ELF2: variants seen among roughly 807,000 people sequenced by gnomAD.
ELF2 encodes E74 like ETS transcription factor 2, also known as ETS-related transcription factor Elf-2.
Under a neutral mutation model 54.8 loss-of-function variants are expected in ELF2, and 11 were observed. That is an observed-to-expected ratio of 0.20 (90% CI 0.13 to 0.33). ELF2 has a LOEUF of 0.33. ELF2 is among the 10% of genes least tolerant of loss of function. The pLI is 1.00. For missense variants in ELF2, 513 were observed against 703.0 expected (o/e 0.73, Z 3.06); for synonymous variants, 203 against 245.1 (o/e 0.83, Z 1.61).
chr4:139,106,740 C>CTTTTTTTTTTTTTTTTTTTTTTTTTTTT, intron 4 of ELF2, among the ~76,000 whole-genome samples: 1 of 93,758 alleles, frequency 1.1e-5, no homozygotes, highest in African/African-American at 4.2e-5. Context: ...AACTATATTT[C>CTTTTTTTTTTTTTTTTTTTTTTTTTTTT]TTTTTTTTTT....
At chr4:139,165,015 A>C (rs1741581815) in intron 1 of ELF2, among the ~76,000 whole-genome samples, 1 of 152,238 alleles carries the variant, frequency 6.6e-6, no homozygotes, top group African/African-American at 2.4e-5. Flanking sequence ...AGATTATCTA[A>C]ATGGGTTTCC....
At chr4:139,083,825 A>G (rs1457636596) in intron 4 of ELF2, among the ~76,000 whole-genome samples, 1 of 152,102 alleles carries the variant, frequency 6.6e-6, no homozygotes, top group Non-Finnish European at 1.5e-5. Context: ...CGAGTGCCCA[A>G]CTTAACCGCG....
chr4:139,161,516 T>C (rs1282712800), intron 1 of ELF2, among the ~76,000 whole-genome samples: 1 of 152,066 alleles, frequency 6.6e-6, no homozygotes, highest in Non-Finnish European at 1.5e-5. Flanking sequence ...TCTCCATACA[T>C]TTAACTTTAA....
At chr4:139,084,250 AG>A in intron 4 of ELF2, 2 of 1,608,724 alleles carry the variant, frequency 1.2e-6, no homozygotes. Context: ...CAGCGGCGGC[AG>A]GGGAGGAGGC....
intron 1 of ELF2, among the ~76,000 whole-genome samples, chr4:139,167,654 C>T (rs1741857264): frequency 6.6e-6 from 1 of 152,128 alleles, no homozygotes; most frequent in Admixed American, 6.5e-5. Flanking sequence ...CTAGGTTCCT[C>T]CAATCCAACT....
chr4:139,080,290 T>C (rs1407469472), intron 4 of ELF2, among the ~76,000 whole-genome samples: 1 of 152,230 alleles, frequency 6.6e-6, no homozygotes, highest in Non-Finnish European at 1.5e-5. Flanking sequence ...CATTTTCAAA[T>C]GAGCTTTTTA....
chr4:139,176,226 C>G lies in ELF2; in HGVS notation c.-252+741G>C, dbSNP rs58352636. ...CTTAAGAAACAGATTCCGATCCGAG[C>G]AAAGCCTCCCTACCTCCCGGGGAAT... On this transcript the variant is annotated intron_variant, in intron 1 of 9. Coordinates refer to ENST00000686138, the MANE Select transcript of ELF2 (RefSeq NM_001331036.3). Among the ~76,000 whole-genome samples, 221 of 152,332 alleles carry G rather than the reference C, an allele frequency of 1.5e-3. 1 individual carries two copies. Among genetic ancestry groups the G allele is most frequent in the African/African-American group, 5.0e-3 (208 of 41,578 alleles).
At chr4:139,126,932 AAG>A (rs1234371073) in intron 3 of ELF2, among the ~76,000 whole-genome samples, 1 of 152,246 alleles carries the variant, frequency 6.6e-6, no homozygotes, top group African/African-American at 2.4e-5. Context: ...GAAGACTGTG[AAG>A]AGAGATTCCA....
intron 5 of ELF2, 81 bp downstream of exon 5, chr4:139,073,373 G>C (rs1458974073): frequency 8.2e-6 from 7 of 852,640 alleles, no homozygotes; most frequent in African/African-American, 3.5e-5. Context: ...CAATTCCATT[G>C]GATTAAAAAA....
At chr4:139,073,392 C>T (rs1729802218) in intron 5 of ELF2, 62 bp downstream of exon 5, 3 of 1,231,754 alleles carry the variant, frequency 2.4e-6, no homozygotes, top group Non-Finnish European at 3.3e-6. Context: ...AAACAAAAAA[C>T]TTTATTTTAG....
At chr4:139,089,521 C>T (rs1275058186) in intron 4 of ELF2, among the ~76,000 whole-genome samples, 2 of 152,188 alleles carry the variant, frequency 1.3e-5, no homozygotes, top group Non-Finnish European at 2.9e-5. Flanking sequence ...TATACTTTCA[C>T]ATGTGTATAT....
intron 4 of ELF2, 92 bp downstream of exon 4, chr4:139,125,072 G>C (rs993905771): frequency 6.8e-7 from 1 of 1,471,618 alleles, no homozygotes; most frequent in African/African-American, 1.4e-5. Flanking sequence ...CATTAAAAAG[G>C]TTTTTCAGTA....
chr4:139,161,103 G>GCGTA (rs1333988388), intron 1 of ELF2, among the ~76,000 whole-genome samples: 1 of 152,172 alleles, frequency 6.6e-6, no homozygotes, highest in Admixed American at 6.5e-5. Flanking sequence ...ATATTATGTT[G>GCGTA]CGTATTGTGT....
intron 1 of ELF2, among the ~76,000 whole-genome samples, chr4:139,155,802 G>A (rs931463470): frequency 2.0e-5 from 3 of 152,146 alleles, no homozygotes; most frequent in Non-Finnish European, 4.4e-5. Context: ...GGACTATATA[G>A]TTTTTAACAA....
At chr4:139,161,885 G>A (rs902274366) in intron 1 of ELF2, among the ~76,000 whole-genome samples, 2 of 152,070 alleles carry the variant, frequency 1.3e-5, no homozygotes, top group African/African-American at 2.4e-5. Context: ...ACAAGGTCAG[G>A]AGATCGAGAT....
chr4:139,097,173 G>GT (rs780116147), intron 4 of ELF2, among the ~76,000 whole-genome samples: 1 of 151,974 alleles, frequency 6.6e-6, no homozygotes, highest in East Asian at 1.9e-4. Context: ...CAAGTTTTTG[G>GT]TTTTTTTGTT....
intron 3 of ELF2, among the ~76,000 whole-genome samples, chr4:139,128,219 G>A (rs1483454121): frequency 1.3e-5 from 2 of 151,948 alleles, no homozygotes; most frequent in Non-Finnish European, 2.9e-5. Flanking sequence ...AGGCTGCAGT[G>A]AGCCATAATC....
At chr4:139,173,979 T>A (rs1406684714) in intron 1 of ELF2, among the ~76,000 whole-genome samples, 1 of 150,616 alleles carries the variant, frequency 6.6e-6, no homozygotes, top group Admixed American at 6.6e-5. Flanking sequence ...ATCCCAGCAC[T>A]TTGGGAGGCC....
At chr4:139,070,931 A>G (rs1729417818) in intron 6 of ELF2, among the ~76,000 whole-genome samples, 1 of 152,160 alleles carries the variant, frequency 6.6e-6, no homozygotes, top group Non-Finnish European at 1.5e-5. Context: ...TTATTTTTGC[A>G]TTTTACTCTA....
Sources: allele counts gnomAD v4.1 joint callset (sites outside exome capture counted in the v4.1 genomes callset), GRCh38; gene constraint gnomAD v4.1.1; transcripts MANE v1.5; gene names NCBI Gene and HGNC (gene_info 2026-07-23, HGNC 2026-07-21).